The following PLCD4 variants were observed in gnomAD, a reference collection of about 807,000 sequenced individuals.
PLCD4 encodes the protein 1-phosphatidylinositol 4,5-bisphosphate phosphodiesterase delta-4.
In PLCD4, 63 loss-of-function variants were observed where a neutral mutation model predicts 90.2. The ratio of observed to expected loss-of-function variants is 0.70; its 90% CI spans 0.57 to 0.86. The LOEUF (loss-of-function observed/expected upper bound fraction) is 0.86, where lower values mean the gene tolerates loss of function less well. Ranked by LOEUF, PLCD4 falls within the 40% of genes least tolerant of loss-of-function variation. PLCD4 has a pLI of 0.00. For synonymous variants in PLCD4, 294 were observed against 356.5 expected (o/e 0.82, Z 1.97); for missense variants, 830 against 956.3 (o/e 0.87, Z 1.74).
rs563702633 is a variant in PLCD4, at chr2:218,612,144, G to C, written c.-33-3563G>C. On this transcript the variant is annotated intron_variant, in intron 1 of 15. Coordinates refer to ENST00000450993, the MANE Select transcript of PLCD4 (RefSeq NM_032726.4). ...AGGATGGTCTCGATCTCTTGACTTT[G>C]TGATCCACCCGCCTCGGCCTCCCAA... Among the ~76,000 whole-genome samples the C allele has an allele frequency of 1.2e-3, 186 of 151,884 alleles. 1 individual carries two copies. Among genetic ancestry groups the C allele is most frequent in the African/African-American group, 4.2e-3 (176 of 41,416 alleles).
At chr2:218,613,392 CAAAAA>C (rs36096465) in intron 1 of PLCD4, among the ~76,000 whole-genome samples, 2 of 76,820 alleles carry the variant, frequency 2.6e-5, no homozygotes, top group Non-Finnish European at 2.4e-5. Flanking sequence ...AGTCTGTCTC[CAAAAA>C]AAAAAAAAAA....
chr2:218,632,434 T>A, intron 10 of PLCD4, 122 bp downstream of exon 10: 1 of 992,740 alleles, frequency 1.0e-6, no homozygotes, highest in Non-Finnish European at 1.4e-6. Flanking sequence ...TTCCTCCCAA[T>A]GAAGGAGATT....
chr2:218,626,521 C>T (rs1214340626), intron 6 of PLCD4, among the ~76,000 whole-genome samples: 1 of 152,216 alleles, frequency 6.6e-6, no homozygotes, highest in Admixed American at 6.5e-5. Context: ...GTTACCTAAC[C>T]TCTCATGGCA....
chr2:218,631,957 A>G (rs1240052243), intron 9 of PLCD4, among the ~76,000 whole-genome samples, 179 bp from the exon 10 acceptor site: 1 of 152,166 alleles, frequency 6.6e-6, no homozygotes. Context: ...AGAGATATTA[A>G]AAGTTTGCTT....
intron 11 of PLCD4, 122 bp from the exon 12 acceptor site, chr2:218,633,983 G>A: frequency 7.2e-7 from 1 of 1,397,596 alleles, no homozygotes; most frequent in South Asian, 1.4e-5. Flanking sequence ...GAGGCACAGT[G>A]AAACTTTCTG....
intron 1 of PLCD4, among the ~76,000 whole-genome samples, chr2:218,613,236 C>A (rs1377488795): frequency 6.6e-6 from 1 of 151,678 alleles, no homozygotes; most frequent in East Asian, 1.9e-4. Flanking sequence ...ATTAAAAATA[C>A]AAAAATTAGC....
In PLCD4 at chr2:218,629,651, G is replaced by T; in HGVS notation, c.1107G>T (p.Gln369His). The T allele has an allele frequency of 1.9e-6, 3 of 1,613,432 alleles. No homozygotes were observed. The South Asian group carries it at 3.3e-5, about 18-fold the overall frequency. Reference protein sequence around the residue: ...LFKDVVATVAQYAFQTSDYPV... With the variant: ...LFKDVVATVAHYAFQTSDYPV... Reference sequence around the variant, plus strand: ...AAGATGTCGTGGCCACAGTAGCACAGTATGCCTTCCAGGTAGTAGCCCCAG... The same window carrying T: ...AAGATGTCGTGGCCACAGTAGCACATTATGCCTTCCAGGTAGTAGCCCCAG... Residue 369 changes from glutamine to histidine, a missense_variant, in exon 8 of 16, where the codon CAG becomes CAT. Transcript: ENST00000450993.
chr2:218,617,098 G>T (rs1407550171), intron 3 of PLCD4, among the ~76,000 whole-genome samples: 2 of 143,468 alleles, frequency 1.4e-5, no homozygotes, highest in African/African-American at 5.0e-5. Context: ...CTGAGTGGCT[G>T]GGACTACAGG....
intron 6 of PLCD4, among the ~76,000 whole-genome samples, chr2:218,624,366 CT>C (rs1696011508): frequency 6.6e-6 from 1 of 152,160 alleles, no homozygotes. Flanking sequence ...CCTCATGAAA[CT>C]TAGAGTCAAA....
At chr2:218,619,316 C>G (rs190708693) in intron 4 of PLCD4, among the ~76,000 whole-genome samples, 2 of 150,408 alleles carry the variant, frequency 1.3e-5, no homozygotes, top group African/African-American at 2.5e-5. Flanking sequence ...GTTTTTGATA[C>G]GGAGTCTTGC....
chr2:218,634,404 G>A lies in PLCD4; in HGVS notation c.1724-54G>A. ...TATCTTCTTAACTCCCTGAAAGAGG[G>A]GCTGGAAGGCCTCCATGGTGAATCT... On this transcript the variant is annotated intron_variant, in intron 12 of 15. Transcript: ENST00000450993. This position sits in a 1 kb window ranked among gnomAD's most constrained non-coding sequence, Gnocchi z 4.0. 1 of 1,585,930 alleles carries A rather than the reference G, an allele frequency of 6.3e-7. No homozygotes were observed. The highest frequency in any genetic ancestry group is 8.6e-7 in the Non-Finnish European group (1 of 1,165,196).
chr2:218,612,835 C>T (rs913699247), intron 1 of PLCD4, among the ~76,000 whole-genome samples: 6 of 152,028 alleles, frequency 3.9e-5, no homozygotes, highest in African/African-American at 1.2e-4. Flanking sequence ...TTTCAGTGAC[C>T]CCCCCACATT....
intron 13 of PLCD4, 92 bp from the exon 14 acceptor site, chr2:218,635,704 C>A (rs1696689793): frequency 6.8e-7 from 1 of 1,476,164 alleles, no homozygotes; most frequent in East Asian, 2.5e-5. Flanking sequence ...GTTTTACAAA[C>A]CAAAAAGCTT....
At chr2:218,633,916 T>A in intron 11 of PLCD4, 155 bp downstream of exon 11, 3 of 1,201,604 alleles carry the variant, frequency 2.5e-6, no homozygotes, top group Non-Finnish European at 3.5e-6. Context: ...AGAGGAGTTA[T>A]GAATAGTGGC....
At chr2:218,625,391 C>T (rs1696073071) in intron 6 of PLCD4, among the ~76,000 whole-genome samples, 2 of 152,076 alleles carry the variant, frequency 1.3e-5, no homozygotes, top group Non-Finnish European at 1.5e-5. Context: ...TCGACCCCGA[C>T]CCCTCTTGGT....
intron 3 of PLCD4, 79 bp downstream of exon 3, chr2:218,616,141 C>G: frequency 6.7e-7 from 1 of 1,503,732 alleles, no homozygotes; most frequent in Middle Eastern, 1.7e-4. Flanking sequence ...GGACCAAAGT[C>G]CTACGATAGT....
chr2:218,616,925 TATAG>T (rs1341556672), intron 3 of PLCD4, among the ~76,000 whole-genome samples: 2 of 22,242 alleles, frequency 9.0e-5, no homozygotes, highest in African/African-American at 3.9e-4. Flanking sequence ...TATATATATA[TATAG>T]AGAGAGAGAG....
At chr2:218,618,470 G>A (rs1295395091) in intron 3 of PLCD4, 109 bp from the exon 4 acceptor site, 1 of 932,582 alleles carries the variant, frequency 1.1e-6, no homozygotes, top group Admixed American at 2.2e-5. Flanking sequence ...AGAGGCTGGG[G>A]TTCTTTTCTA....
intron 10 of PLCD4, 136 bp from the exon 11 acceptor site, chr2:218,633,469 C>A (rs1696507949): frequency 1.9e-6 from 2 of 1,051,838 alleles, no homozygotes; most frequent in Non-Finnish European, 2.9e-6. Context: ...AGTCCCTTCT[C>A]TTGTCCCGGC....
Sources: allele counts gnomAD v4.1 joint callset (sites outside exome capture counted in the v4.1 genomes callset), GRCh38; gene constraint gnomAD v4.1.1; non-coding constraint Gnocchi (gnomAD v3.1); transcripts MANE v1.5; gene names NCBI Gene and HGNC (gene_info 2026-07-23, HGNC 2026-07-21).